Variants in PTPRR observed in about 807,000 individuals in gnomAD.
PTPRR encodes receptor-type tyrosine-protein phosphatase R.
Under a neutral mutation model 77.2 loss-of-function variants are expected in PTPRR, and 38 were observed. The observed-to-expected ratio is 0.49, with a 90% CI of 0.38 to 0.65. The LOEUF is 0.65. PTPRR is among the 30% of genes least tolerant of loss of function. PTPRR has a pLI of 0.00. For synonymous variants in PTPRR, 299 were observed against 283.1 expected (o/e 1.06, Z -0.57); for missense variants, 744 against 799.2 (o/e 0.93, Z 0.83).
At chr12:70,726,385 T>C (rs904534572) in intron 6 of PTPRR, among the ~76,000 whole-genome samples, 1 of 152,018 alleles carries the variant, frequency 6.6e-6, no homozygotes, top group African/African-American at 2.4e-5. Context: ...TCATGGCCAA[T>C]TGGATGCCCT....
intron 10 of PTPRR, among the ~76,000 whole-genome samples, chr12:70,678,666 T>A (rs1211731477): frequency 1.3e-5 from 2 of 152,150 alleles, no homozygotes; most frequent in Non-Finnish European, 2.9e-5. Flanking sequence ...GGGTTTAATT[T>A]GTTCTTGTCC....
At chr12:70,803,814 G>A (rs956443501) in intron 2 of PTPRR, among the ~76,000 whole-genome samples, 5 of 152,138 alleles carry the variant, frequency 3.3e-5, no homozygotes. Flanking sequence ...ATTATTCTCA[G>A]AAATTATTTG....
chr12:70,856,587 A>G (rs1892655739), intron 2 of PTPRR, among the ~76,000 whole-genome samples: 1 of 152,196 alleles, frequency 6.6e-6, no homozygotes, highest in Non-Finnish European at 1.5e-5. Context: ...GAGTAATATA[A>G]TGATATTTGT....
intron 2 of PTPRR, among the ~76,000 whole-genome samples, chr12:70,766,009 T>C (rs911828706): frequency 5.3e-5 from 8 of 152,018 alleles, no homozygotes; most frequent in African/African-American, 7.3e-5. Flanking sequence ...CAAAAACCCA[T>C]GTGCACATCA....
intron 2 of PTPRR, among the ~76,000 whole-genome samples, chr12:70,843,062 A>C (rs1892423672): frequency 1.3e-5 from 2 of 151,426 alleles, no homozygotes; most frequent in African/African-American, 2.4e-5. Flanking sequence ...CCACAAAATG[A>C]AAAAACAAAG....
chr12:70,711,192 T>C (rs563738805), intron 6 of PTPRR, among the ~76,000 whole-genome samples: 15 of 152,258 alleles, frequency 9.9e-5, no homozygotes, highest in African/African-American at 3.4e-4. Flanking sequence ...ATATACACCA[T>C]GTAATACTAT....
intron 6 of PTPRR, among the ~76,000 whole-genome samples, chr12:70,734,226 T>C (rs967988107): frequency 6.6e-6 from 1 of 152,094 alleles, no homozygotes; most frequent in Non-Finnish European, 1.5e-5. Context: ...AATCTCATTT[T>C]AAAAAGCACT....
At chr12:70,848,766 A>G (rs1892526408) in intron 2 of PTPRR, among the ~76,000 whole-genome samples, 1 of 152,256 alleles carries the variant, frequency 6.6e-6, no homozygotes, top group Non-Finnish European at 1.5e-5. Context: ...GATGACTTAT[A>G]GTTACACCAA....
intron 5 of PTPRR, among the ~76,000 whole-genome samples, chr12:70,752,473 T>G (rs960884751): frequency 1.3e-5 from 2 of 152,190 alleles, no homozygotes; most frequent in Admixed American, 1.3e-4. Context: ...AAGACCAACA[T>G]AGGCATTTAT....
chr12:70,757,393 C>A (rs1890587516), intron 4 of PTPRR, among the ~76,000 whole-genome samples: 1 of 152,074 alleles, frequency 6.6e-6, no homozygotes, highest in Admixed American at 6.6e-5. Flanking sequence ...GTATTTAATT[C>A]ATTTTGTAAA....
At chr12:70,641,790 C>T (rs2136637137) in intron 13 of PTPRR, among the ~76,000 whole-genome samples, 1 of 152,322 alleles carries the variant, frequency 6.6e-6, no homozygotes, top group Admixed American at 6.5e-5. Flanking sequence ...AAGACATCAA[C>T]ATGAATCTGT....
chr12:70,863,910 C>T (rs1375223028), intron 2 of PTPRR, among the ~76,000 whole-genome samples: 1 of 152,186 alleles, frequency 6.6e-6, no homozygotes, highest in East Asian at 1.9e-4. Context: ...ACTCCACAAT[C>T]CCTCCTTTAG....
At chr12:70,783,868 GGGGGGGGC>G (rs1404833074) in intron 2 of PTPRR, among the ~76,000 whole-genome samples, 2,517 of 123,978 alleles carry the variant, frequency 0.02, 124 homozygotes, top group African/African-American at 0.062. Flanking sequence ...GGGGACGGGG[GGGGGGGGC>G]GGGGGGCGGG....
rs1043824405 is a variant in PTPRR at position 70,638,844 on chromosome 12, C to A, written c.*340G>T. 1 of 204,410 alleles carries A rather than the reference C, an allele frequency of 4.9e-6. No homozygotes were observed. Among genetic ancestry groups the A allele is most frequent in the Non-Finnish European group, 9.8e-6 (1 of 101,644 alleles). 12.7% of individuals were successfully genotyped at this position (204,410 alleles called of 1,614,324 possible). A position where few individuals can be genotyped will look rare whatever the true frequency, so the allele number is the denominator to read the frequency against. On this transcript the variant is annotated 3_prime_UTR_variant, in exon 14 of 14. Transcript: ENST00000283228. ...TCTTCAGCAGCTCATCCAGTCATCA[C>A]CTGATGACATTTATTACTGAATATT... is the stretch of plus-strand genomic sequence containing the variant.
chr12:70,823,530 GTTT>G (rs541104173), intron 2 of PTPRR, among the ~76,000 whole-genome samples: 2 of 151,986 alleles, frequency 1.3e-5, no homozygotes. Flanking sequence ...GTTACTGTGT[GTTT>G]TTTTTGTTTT....
At chr12:70,719,348 T>C (rs996272618) in intron 6 of PTPRR, among the ~76,000 whole-genome samples, 3 of 152,118 alleles carry the variant, frequency 2.0e-5, no homozygotes, top group African/African-American at 7.2e-5. Flanking sequence ...AGTTCACGAA[T>C]GCAAACTTCA....
chr12:70,671,819 A>G (rs2136698200), intron 10 of PTPRR: 1 of 558,656 alleles, frequency 1.8e-6, no homozygotes, highest in East Asian at 2.9e-5. Flanking sequence ...GGCTAGCTGC[A>G]GTCATTGGTG....
intron 6 of PTPRR, among the ~76,000 whole-genome samples, chr12:70,702,969 A>G (rs895318070): frequency 6.6e-6 from 1 of 151,808 alleles, no homozygotes; most frequent in Admixed American, 6.6e-5. Flanking sequence ...ATACATATAT[A>G]TCACCTTATT....
At chr12:70,828,854 C>A (rs773935451) in intron 2 of PTPRR, among the ~76,000 whole-genome samples, 3 of 152,066 alleles carry the variant, frequency 2.0e-5, no homozygotes, top group Non-Finnish European at 2.9e-5. Flanking sequence ...ATTTGTGGGG[C>A]GGGGGACTCA....
Sources: allele counts gnomAD v4.1 joint callset (sites outside exome capture counted in the v4.1 genomes callset), GRCh38; gene constraint gnomAD v4.1.1; transcripts MANE v1.5; gene names NCBI Gene and HGNC (gene_info 2026-07-23, HGNC 2026-07-21).